The following EPAS1 variants were observed in gnomAD, a reference collection of about 807,000 sequenced individuals.
The protein encoded by EPAS1 is endothelial PAS domain-containing protein 1.
EPAS1 carries 23 observed loss-of-function variants against 87.9 expected under a neutral mutation model. The ratio of observed to expected loss-of-function variants is 0.26; its 90% confidence interval spans 0.19 to 0.37. EPAS1 has a LOEUF of 0.37. Ranked by LOEUF, EPAS1 falls within the 10% of genes least tolerant of loss-of-function variation. The pLI is 1.00. For synonymous variants in EPAS1, 508 were observed against 444.3 expected (o/e 1.14, Z -1.80); for missense variants, 1,138 against 1,120.7 (o/e 1.02, Z -0.22).
rs1490158924 is a variant in EPAS1 at position 46,300,035 on chromosome 2, G to C, written c.26+2098G>C. Among the ~76,000 whole-genome samples, 1 of 152,226 alleles carries C rather than the reference G, an allele frequency of 6.6e-6. No homozygotes were observed. The highest frequency in any genetic ancestry group is 1.5e-5 in the Non-Finnish European group (1 of 68,038). ...GGATTTTTGTGCTGCAGAATGGCAG[G>C]GCAAACAGCGTGTCCTTCACCATCT... On this transcript the variant is annotated intron_variant, in intron 1 of 15. Transcript: ENST00000263734. The surrounding 1 kb of genome is among the most constrained non-coding windows in gnomAD (Gnocchi z 4.1).
chr2:46,338,957 G>A (rs1315630138), intron 1 of EPAS1, among the ~76,000 whole-genome samples: 1 of 152,170 alleles, frequency 6.6e-6, no homozygotes, highest in African/African-American at 2.4e-5. Context: ...GGTGGCTACG[G>A]GGAGCTGGCA....
intron 3 of EPAS1, 53 bp from the exon 4 acceptor site, chr2:46,356,671 G>A: frequency 1.4e-6 from 2 of 1,405,368 alleles, no homozygotes; most frequent in Admixed American, 3.3e-5. Flanking sequence ...TACTCTTGGA[G>A]TCTTTTACTT....
chr2:46,308,116 G>A lies in EPAS1; in HGVS notation c.26+10179G>A, dbSNP rs1463150243. 2.6e-5 allele frequency among the ~76,000 whole-genome samples: 4 copies of A among 152,136 alleles called. No individual in the cohort carries two copies. In the East Asian group the frequency reaches 5.8e-4, roughly 22 times the overall value. ...ACAAGCCTCCTCCCACAGCCTCAAA[G>A]GCAGTGCTGCAGTACTCATTCCCAC... On this transcript the variant is annotated intron_variant, in intron 1 of 15. Coordinates refer to ENST00000263734, the MANE Select transcript of EPAS1 (RefSeq NM_001430.5).
Position 46,386,502 on chromosome 2 carries a change from A to G in EPAS1, c.*1842A>G, listed in dbSNP as rs924572579. 6.6e-6 allele frequency: 1 copy of G among 152,644 alleles called. No homozygotes were observed. The highest frequency in any genetic ancestry group is 2.4e-5 in the African/African-American group (1 of 41,446). 9.5% of individuals were successfully genotyped at this position (152,644 alleles called of 1,614,324 possible). A position where few individuals can be genotyped will look rare whatever the true frequency, so the allele number is the denominator to read the frequency against. On this transcript the variant is annotated 3_prime_UTR_variant, in exon 16 of 16. Coordinates refer to ENST00000263734, the MANE Select transcript of EPAS1 (RefSeq NM_001430.5). The stretch of plus-strand genomic sequence containing the variant: ...TGTGTGTTGCCCTGGCATTAAGGGC[A>G]TTTTACCCTTGCAGTTTTACTAAAA...
intron 1 of EPAS1, among the ~76,000 whole-genome samples, chr2:46,341,331 G>A (rs530189439): frequency 2.6e-4 from 40 of 152,348 alleles, no homozygotes; most frequent in African/African-American, 9.1e-4. Context: ...ATTGTTTGGG[G>A]TTTGAAATGA....
chr2:46,305,645 T>C (rs1272694395), intron 1 of EPAS1, among the ~76,000 whole-genome samples: 3 of 152,210 alleles, frequency 2.0e-5, no homozygotes, highest in African/African-American at 4.8e-5. Flanking sequence ...TCTGACGTTT[T>C]GTGAATTCTA....
At position 46,361,000 on chromosome 2, in the gene EPAS1, A is replaced by G. The variant is rs779583090; in HGVS notation, c.689A>G (p.Gln230Arg). ...SCLIIMCEPI[Q>R]HPSHMDIPLD... is the part of the protein sequence containing the mutation. ...CTCATCATCATGTGTGAACCAATCC[A>G]GCACCCATCCCACATGGACATCCCC... Residue 230 changes from glutamine (Q) to arginine (R), a missense_variant, in exon 6 of 16, where the codon CAG becomes CGG. Gln to Arg is a conservative substitution (Grantham distance 43). This residue lies in a region of EPAS1 where 351 missense variants were observed against 417.1 expected (regional missense o/e 0.84). Coordinates refer to ENST00000263734, the MANE Select transcript of EPAS1 (RefSeq NM_001430.5). The surrounding 1 kb of genome is among the most constrained non-coding windows in gnomAD (Gnocchi z 4.5). 2 of 1,614,110 alleles carry G rather than the reference A, an allele frequency of 1.2e-6. No homozygotes were observed. The highest frequency in any genetic ancestry group is 1.7e-6 in the Non-Finnish European group (2 of 1,180,006).
chr2:46,343,611 G>T (rs760476446), intron 1 of EPAS1, among the ~76,000 whole-genome samples: 1 of 152,206 alleles, frequency 6.6e-6, no homozygotes, highest in Non-Finnish European at 1.5e-5. Context: ...ATGTTAAGAA[G>T]AAGTGCTTTC....
Position 46,382,459 on chromosome 2 carries a change from C to G in EPAS1, c.2322C>G (p.Gly774=). 3 of 1,614,166 alleles carry G rather than the reference C, an allele frequency of 1.9e-6. No homozygotes were observed. The highest frequency in any genetic ancestry group is 2.5e-6 in the Non-Finnish European group (3 of 1,180,040). ...CCCAAAACCCCATGAGGGGCCTGGG[C>G]CATCCCCTGAGACATCTGCCGCTGC... ...KFTQNPMRGL[G]HPLRHLPLPQ... is the part of the protein sequence containing the mutation. The change falls in exon 15 of 16, where the codon GGC becomes GGG. Residue 774 remains glycine (G), a synonymous_variant. Transcript: ENST00000263734.
chr2:46,326,049 A>G (rs1328427596), intron 1 of EPAS1, among the ~76,000 whole-genome samples: 1 of 152,192 alleles, frequency 6.6e-6, no homozygotes, highest in East Asian at 1.9e-4. Context: ...GAAAACAGTG[A>G]CATTCAATAT....
intron 1 of EPAS1, among the ~76,000 whole-genome samples, chr2:46,340,683 C>T (rs1375263785): frequency 6.6e-6 from 1 of 152,178 alleles, no homozygotes; most frequent in Non-Finnish European, 1.5e-5. Context: ...TGGCCAGCTC[C>T]TCCTGAATTT....
At position 46,360,723 on chromosome 2, in the gene EPAS1, C is replaced by T. The variant is rs2103636189; in HGVS notation, c.540C>T (p.Gly180=). 6.2e-7 allele frequency: 1 copy of T among 1,614,032 alleles called. No individual in the cohort carries two copies. Among genetic ancestry groups the T allele is most frequent in the South Asian group, 1.1e-5 (1 of 91,082 alleles). ...MRMKCTVTNR[G]RTVNLKSATW... ...TGAAGTGCACGGTCACCAACAGAGG[C>T]CGTACTGTCAACCTCAAGTCAGCCA... is the stretch of plus-strand genomic sequence containing the variant. The change falls in exon 5 of 16, where the codon GGC becomes GGT. Residue 180 remains glycine, a synonymous_variant. Coordinates refer to ENST00000263734, the MANE Select transcript of EPAS1 (RefSeq NM_001430.5). This position sits in a 1 kb window ranked among gnomAD's most constrained non-coding sequence, Gnocchi z 4.5.
chr2:46,349,033 C>G (rs6715787), intron 2 of EPAS1, among the ~76,000 whole-genome samples: 52,397 of 152,074 alleles, frequency 0.34, 9,939 homozygotes, highest in East Asian at 0.77. Flanking sequence ...ACCTGGAATT[C>G]AAGTCCTTTT....
At chr2:46,341,480 G>T (rs538051005) in intron 1 of EPAS1, among the ~76,000 whole-genome samples, 2 of 152,288 alleles carry the variant, frequency 1.3e-5, no homozygotes, top group Admixed American at 6.5e-5. Flanking sequence ...TCTTTGAAGG[G>T]TAGCCACCTT....
intron 1 of EPAS1, among the ~76,000 whole-genome samples, chr2:46,298,397 C>G (rs762153324): frequency 5.9e-5 from 9 of 152,220 alleles, no homozygotes; most frequent in Non-Finnish European, 1.3e-4. Context: ...TGTGCCCGCG[C>G]CGCGGCCCAA....
At chr2:46,383,114 G>A (rs1684939804) in intron 15 of EPAS1, among the ~76,000 whole-genome samples, 1 of 152,206 alleles carries the variant, frequency 6.6e-6, no homozygotes, top group African/African-American at 2.4e-5. Flanking sequence ...CTCCTTCCCT[G>A]GGGCTTTAGG....
rs745977062 is a variant in EPAS1 at position 46,378,729 on chromosome 2, G to C, written c.1516G>C (p.Ala506Pro). The change falls in exon 11 of 16, where the codon GCC (alanine) becomes CCC (proline). Residue 506 changes from alanine (A) to proline (P), a missense_variant. Transcript: ENST00000263734. The part of the protein sequence containing the change: ...LKIEVIEKLF[A>P]MDTEAKDQCS... ...GATTGAAGTGATTGAGAAGCTCTTC[G>C]CCATGGACACAGAGGCCAAGGACCA... is the stretch of plus-strand genomic sequence containing the variant. 1 of 1,614,134 alleles carries C rather than the reference G, an allele frequency of 6.2e-7. No individual in the cohort carries two copies. The highest frequency in any genetic ancestry group is 8.5e-7 in the Non-Finnish European group (1 of 1,179,994).
chr2:46,311,308 C>A (rs1228148373), intron 1 of EPAS1, among the ~76,000 whole-genome samples: 1 of 152,136 alleles, frequency 6.6e-6, no homozygotes, highest in Non-Finnish European at 1.5e-5. Context: ...CTGCTCATTG[C>A]CTACTCTGTG....
At chr2:46,368,464 G>GTTAC (rs1050973832) in intron 6 of EPAS1, among the ~76,000 whole-genome samples, 2 of 152,304 alleles carry the variant, frequency 1.3e-5, no homozygotes, top group African/African-American at 4.8e-5. Context: ...GGACTTGGAA[G>GTTAC]TTACGCAGCA....
Sources: allele counts gnomAD v4.1 joint callset (sites outside exome capture counted in the v4.1 genomes callset), GRCh38; gene constraint gnomAD v4.1.1; regional missense constraint gnomAD v4.1.1; non-coding constraint Gnocchi (gnomAD v3.1); transcripts MANE v1.5; gene names NCBI Gene and HGNC (gene_info 2026-07-23, HGNC 2026-07-21).